Variants in NGLY1 observed in about 807,000 individuals in gnomAD.
NGLY1 encodes the protein peptide-N(4)-(N-acetyl-beta-glucosaminyl)asparagine amidase.
A neutral mutation model predicts 84.6 loss-of-function variants in NGLY1; 68 were observed. That is an observed-to-expected ratio of 0.80 (90% CI 0.66 to 0.98). The LOEUF (loss-of-function observed/expected upper bound fraction) is 0.98. Ranked by LOEUF, NGLY1 falls within the 50% of genes least tolerant of loss-of-function variation. NGLY1 has a pLI of 0.00. For synonymous variants in NGLY1, 280 were observed against 275.2 expected (o/e 1.02, Z -0.17); for missense variants, 779 against 770.2 (o/e 1.01, Z -0.14).
chr3:25,729,482 T>C (rs1173378859), intron 9 of NGLY1, 164 bp from the exon 10 acceptor site: 13 of 389,122 alleles, frequency 3.3e-5, no homozygotes, highest in Non-Finnish European at 5.4e-5. Flanking sequence ...ATATAATCAG[T>C]ATGATGTTAT....
Position 25,783,260 on chromosome 3 carries a change from C to G in NGLY1, c.131G>C (p.Arg44Thr), listed in dbSNP as rs1708504106. ...LLLTYADNIL[R>T]NPNDEKYRSI... ...GCCGTCCGACCCCGTTGCCCTGCAC[C>G]TGAGGATGTTGTCAGCATAGGTGAG... Residue 44 changes from arginine to threonine, a missense_variant and splice_region_variant, in exon 1 of 12, where the codon AGA (arginine) becomes ACA (threonine). Physicochemically the swap from Arg to Thr is moderately conservative, Grantham distance 71. Transcript: ENST00000280700. The surrounding 1 kb of genome is among the most constrained non-coding windows in gnomAD (Gnocchi z 4.5). The G allele has an allele frequency of 6.2e-7, 1 of 1,609,846 alleles. No individual in the cohort carries two copies. The highest frequency in any genetic ancestry group is 1.7e-5 in the Admixed American group (1 of 59,878).
chr3:25,739,046 T>C (rs1705988941), intron 5 of NGLY1, among the ~76,000 whole-genome samples: 1 of 152,188 alleles, frequency 6.6e-6, no homozygotes. Context: ...AGACTGATAA[T>C]AATAATGCTG....
intron 3 of NGLY1, among the ~76,000 whole-genome samples, chr3:25,762,434 C>T (rs1707363254): frequency 6.6e-6 from 1 of 152,210 alleles, no homozygotes; most frequent in Non-Finnish European, 1.5e-5. Context: ...TAATTTCTCT[C>T]AACTTCAACA....
chr3:25,757,654 G>C (rs1478791125), intron 3 of NGLY1, among the ~76,000 whole-genome samples: 1 of 152,140 alleles, frequency 6.6e-6, no homozygotes. Flanking sequence ...CATTAATAAG[G>C]AAAACAATTT....
At position 25,774,214 on chromosome 3, in the gene NGLY1, A is replaced by C. The variant is rs1034796272; in HGVS notation, c.246+4360T>G. The stretch of plus-strand genomic sequence containing the variant: ...CTTGGGGCAGAGTTGTTCTTTAATG[A>C]GTTGCTGTAATGGTTTCAGTTGGTT... On this transcript the variant is annotated intron_variant, in intron 2 of 11. Transcript: ENST00000280700. Among the ~76,000 whole-genome samples, 50 of 152,226 alleles carry C rather than the reference A, an allele frequency of 3.3e-4. 1 individual carries two copies. The highest frequency in any genetic ancestry group is 3.4e-3 in the Middle Eastern group (1 of 294).
At chr3:25,736,685 G>C (rs1489170369) in intron 6 of NGLY1, 2 of 269,952 alleles carry the variant, frequency 7.4e-6, no homozygotes, top group African/African-American at 4.4e-5. Flanking sequence ...TCTAAATAGG[G>C]ACAACACAAA....
intron 4 of NGLY1, chr3:25,749,492 C>T (rs1706614841): frequency 2.6e-6 from 4 of 1,567,542 alleles, no homozygotes; most frequent in Non-Finnish European, 3.5e-6. Flanking sequence ...GGCCTCATGG[C>T]CGCCCTCAGA....
At chr3:25,772,006 T>G (rs1707918950) in intron 2 of NGLY1, among the ~76,000 whole-genome samples, 1 of 152,192 alleles carries the variant, frequency 6.6e-6, no homozygotes, top group Non-Finnish European at 1.5e-5. Flanking sequence ...TTTACCAATT[T>G]TGATGTTCTT....
At chr3:25,783,688 G>A (rs1275350467), upstream of NGLY1, 16 of 245,404 alleles carry the variant, frequency 6.5e-5, no homozygotes, top group East Asian at 1.2e-3. This position sits in a 1 kb window ranked among gnomAD's most constrained non-coding sequence, Gnocchi z 4.5. Context: ...TTCGCGGGGG[G>A]CAAGGGGCTG....
intron 2 of NGLY1, among the ~76,000 whole-genome samples, chr3:25,776,064 C>T (rs1421160988): frequency 1.3e-5 from 2 of 152,268 alleles, no homozygotes; most frequent in Admixed American, 1.3e-4. Flanking sequence ...ATGTCTAAAG[C>T]CGAACAGAAA....
At position 25,783,431 on chromosome 3, in the gene NGLY1, C is replaced by A; in HGVS notation, c.-41G>T. The A allele has an allele frequency of 2.6e-6, 4 of 1,512,310 alleles. No individual in the cohort carries two copies. Among genetic ancestry groups the A allele is most frequent in the South Asian group, 1.2e-5 (1 of 81,328 alleles). 93.7% of individuals were successfully genotyped at this position (1,512,310 alleles called of 1,614,324 possible). A position where few individuals can be genotyped will look rare whatever the true frequency, so the allele number is the denominator to read the frequency against. On this transcript the variant is annotated 5_prime_UTR_variant, in exon 1 of 12. Transcript: ENST00000280700. The surrounding 1 kb of genome is among the most constrained non-coding windows in gnomAD (Gnocchi z 4.5). ...GGCGCCGCCGCCGCCCCTCGCTCTC[C>A]GCGTCCCACACTGAGCAGGCGCCTC...
At chr3:25,778,545 G>T (rs111965970) in intron 2 of NGLY1, 29 bp downstream of exon 2, 1 of 1,284,842 alleles carries the variant, frequency 7.8e-7, no homozygotes, top group East Asian at 2.4e-5. Context: ...TGCATGAAGA[G>T]GGGAGAGGAA....
intron 4 of NGLY1, chr3:25,749,432 G>A: frequency 1.0e-6 from 1 of 986,892 alleles, no homozygotes; most frequent in African/African-American, 1.6e-5. Context: ...AAGGAAGGAA[G>A]CTCTCTCCTC....
chr3:25,747,381 A>G (rs1195153432), intron 4 of NGLY1, among the ~76,000 whole-genome samples: 1 of 152,240 alleles, frequency 6.6e-6, no homozygotes, highest in Non-Finnish European at 1.5e-5. Context: ...ATACAAGAAG[A>G]GAACAACTGT....
In NGLY1 at chr3:25,734,707, C is replaced by G. The variant is rs556316637; in HGVS notation, c.1150-725G>C. 138 of 809,056 alleles carry G rather than the reference C, an allele frequency of 1.7e-4. No individual in the cohort carries two copies. The African/African-American group carries it at 2.4e-3, about 14-fold the overall frequency. The allele number at this position is 809,056 out of a possible 1,614,324, so 50.1% of individuals were successfully genotyped here. ...AGCCTGGGCAAGAGGGTGAGACTGT[C>G]TCGAAAAATTAAAATAAAATAAAAT... On this transcript the variant is annotated intron_variant, in intron 7 of 11. Coordinates refer to ENST00000280700, the MANE Select transcript of NGLY1 (RefSeq NM_018297.4).
intron 7 of NGLY1, chr3:25,735,439 T>C: frequency 6.6e-6 from 1 of 152,274 alleles, no homozygotes; most frequent in Non-Finnish European, 1.5e-5. Context: ...AGATGCTCAG[T>C]ATTATTTGTC....
chr3:25,789,767 T>G (rs193285099), intron 1 of NGLY1: 1 of 1,360,036 alleles, frequency 7.4e-7, no homozygotes, highest in African/African-American at 1.4e-5. Context: ...ACAATTCCAG[T>G]AGAATACGAT....
intron 8 of NGLY1, among the ~76,000 whole-genome samples, chr3:25,732,905 GAAGTC>G (rs1157012314): frequency 2.0e-5 from 3 of 152,174 alleles, no homozygotes; most frequent in Admixed American, 2.0e-4. Flanking sequence ...CAGAACTTGA[GAAGTC>G]AAGATTCCAA....
intron 3 of NGLY1, among the ~76,000 whole-genome samples, chr3:25,756,221 A>G (rs571263949): frequency 3.4e-4 from 52 of 152,228 alleles, no homozygotes; most frequent in Middle Eastern, 3.4e-3. Context: ...TCTAAATCCC[A>G]TTCATTTTCT....
Sources: allele counts gnomAD v4.1 joint callset (sites outside exome capture counted in the v4.1 genomes callset), GRCh38; gene constraint gnomAD v4.1.1; non-coding constraint Gnocchi (gnomAD v3.1); transcripts MANE v1.5; gene names NCBI Gene and HGNC (gene_info 2026-07-23, HGNC 2026-07-21).